Variants in PLEKHA6 observed in about 807,000 individuals in gnomAD.
PLEKHA6 encodes pleckstrin homology domain-containing family A member 6.
A neutral mutation model predicts 116.7 loss-of-function variants in PLEKHA6; 60 were observed. That is an observed-to-expected ratio of 0.51 (90% CI 0.42 to 0.64). The LOEUF (loss-of-function observed/expected upper bound fraction) is 0.64, where lower values mean the gene tolerates loss of function less well. PLEKHA6 is among the 30% of genes least tolerant of loss of function. The pLI, the probability that PLEKHA6 is intolerant of heterozygous loss-of-function variation, is 0.00. For missense variants in PLEKHA6, 1,338 were observed against 1,422.7 expected (o/e 0.94, Z 0.96); for synonymous variants, 489 against 556.1 (o/e 0.88, Z 1.70).
chr1:204,293,569 T>C (rs1572100445), intron 1 of PLEKHA6, among the ~76,000 whole-genome samples: 1 of 152,370 alleles, frequency 6.6e-6, no homozygotes, highest in East Asian at 1.9e-4. Context: ...CAGCCTCCAA[T>C]TTGGCTTAAA....
chr1:204,311,440 G>A (rs945514468), intron 1 of PLEKHA6: 14 of 176,112 alleles, frequency 7.9e-5, no homozygotes, highest in South Asian at 3.8e-4. Context: ...GTGGGGAGCC[G>A]AGATCATGCC....
At chr1:204,373,980 C>T (rs1008493223) in intron 1 of PLEKHA6, among the ~76,000 whole-genome samples, 1 of 152,164 alleles carries the variant, frequency 6.6e-6, no homozygotes, top group African/African-American at 2.4e-5. Context: ...GCCCTCACCT[C>T]CATTACATCT....
At chr1:204,302,138 C>T (rs1366564812) in intron 1 of PLEKHA6, among the ~76,000 whole-genome samples, 1 of 152,172 alleles carries the variant, frequency 6.6e-6, no homozygotes. Flanking sequence ...CTGAGGCATG[C>T]AGAATTAAAC....
intron 9 of PLEKHA6, among the ~76,000 whole-genome samples, chr1:204,254,446 T>A (rs549168563): frequency 2.6e-3 from 378 of 143,712 alleles, no homozygotes; most frequent in African/African-American, 7.1e-3. Flanking sequence ...TCATTTAAAA[T>A]TTTTTTTTTC....
At chr1:204,375,863 T>C (rs1193190596) in intron 1 of PLEKHA6, among the ~76,000 whole-genome samples, 3 of 128,882 alleles carry the variant, frequency 2.3e-5, no homozygotes, top group African/African-American at 9.2e-5. Flanking sequence ...AGGTTACCTG[T>C]TCCTCAGCCC....
At chr1:204,227,171 C>G (rs541808598) in intron 21 of PLEKHA6, among the ~76,000 whole-genome samples, 3 of 152,220 alleles carry the variant, frequency 2.0e-5, no homozygotes, top group African/African-American at 4.8e-5. Context: ...GCCTGGGCTA[C>G]TGGAATGGTG....
chr1:204,313,517 A>AC, intron 1 of PLEKHA6: 1 of 966,230 alleles, frequency 1.0e-6, no homozygotes, highest in Non-Finnish European at 1.2e-6. Context: ...TTCAGAGCTC[A>AC]CACAAGATGT....
intron 1 of PLEKHA6, among the ~76,000 whole-genome samples, chr1:204,347,947 T>G (rs910829209): frequency 6.6e-6 from 1 of 152,186 alleles, no homozygotes; most frequent in Non-Finnish European, 1.5e-5. Context: ...GGTACCATCC[T>G]GAAGTACCGA....
intron 3 of PLEKHA6, among the ~76,000 whole-genome samples, chr1:204,365,484 G>A (rs1006701030): frequency 2.0e-5 from 3 of 152,174 alleles, no homozygotes; most frequent in Non-Finnish European, 2.9e-5. Context: ...GCATGAGAGC[G>A]GGAAAGGTTG....
At chr1:204,295,969 G>A (rs1476172317) in intron 1 of PLEKHA6, among the ~76,000 whole-genome samples, 1 of 152,166 alleles carries the variant, frequency 6.6e-6, no homozygotes, top group Non-Finnish European at 1.5e-5. Flanking sequence ...GGGAAGATGA[G>A]GGTAAGGCAC....
At position 204,307,717 on chromosome 1, in the gene PLEKHA6, ACAGCCCTCTAGCTG is replaced by A. The variant is rs1671444078; in HGVS notation, c.-94-32922_-94-32909del. On this transcript the variant is annotated intron_variant, in intron 1 of 22. Transcript: ENST00000272203. ...CCCGCCTGCTCATTGGAAACATCAG[ACAGCCCTCTAGCTG>A]CAGCAACTCCTGAAACCCTAAGCTG... 2.4e-5 allele frequency: 5 copies of A among 211,832 alleles called. No individual in the cohort carries two copies. In the South Asian group the frequency reaches 8.3e-4, roughly 35 times the overall value. The allele number at this position is 211,832 out of a possible 1,614,324, so 13.1% of individuals were successfully genotyped here.
chr1:204,230,511 G>A lies in PLEKHA6; in HGVS notation c.2485C>T (p.Arg829Trp), dbSNP rs373770957. Residue 829 changes from arginine (R) to tryptophan (W), a missense_variant, in exon 18 of 23, where the codon CGG (arginine) becomes TGG (tryptophan). Arg to Trp is a moderately radical substitution (Grantham distance 101, BLOSUM62 -3). Around this residue, in one of 3 missense-constraint regions of PLEKHA6, gnomAD observed 1,136 missense variants for 1,163.6 expected, o/e 0.98. Transcript: ENST00000272203. ...CTCATGGAGCCACTCTGGTGCCGCC[G>A]CATTCGGTCAATCTGCTCCTCCACG... ...MSVEEQIDRMRRHQSGSMREK... is the reference protein window; with the variant it reads ...MSVEEQIDRMWRHQSGSMREK... The A allele has an allele frequency of 3.1e-5, 49 of 1,591,104 alleles. No individual in the cohort carries two copies. Among genetic ancestry groups the A allele is most frequent in the Admixed American group, 7.1e-5 (4 of 56,064 alleles).
At chr1:204,342,277 C>T (rs1480986103) in intron 1 of PLEKHA6, among the ~76,000 whole-genome samples, 2 of 152,116 alleles carry the variant, frequency 1.3e-5, no homozygotes, top group African/African-American at 4.8e-5. Context: ...GAGGCTGAGG[C>T]GGGAGAATTG....
At chr1:204,317,646 A>T (rs545852152) in intron 1 of PLEKHA6, among the ~76,000 whole-genome samples, 1 of 152,350 alleles carries the variant, frequency 6.6e-6, no homozygotes, top group South Asian at 2.1e-4. Flanking sequence ...GTGTCTTTCA[A>T]ACTGTGGCTT....
intron 14 of PLEKHA6, 144 bp downstream of exon 14, chr1:204,245,471 C>G: frequency 1.6e-6 from 1 of 614,680 alleles, no homozygotes; most frequent in Non-Finnish European, 2.9e-6. Flanking sequence ...ACCCTAGAAC[C>G]CAGGGGAAGA....
At chr1:204,317,706 T>C (rs1276768508) in intron 1 of PLEKHA6, among the ~76,000 whole-genome samples, 1 of 152,208 alleles carries the variant, frequency 6.6e-6, no homozygotes. Context: ...ATAATCCAAA[T>C]TGGCACATGG....
chr1:204,324,071 A>G (rs975847257), intron 1 of PLEKHA6, among the ~76,000 whole-genome samples: 5 of 152,062 alleles, frequency 3.3e-5, no homozygotes, highest in African/African-American at 1.2e-4. Flanking sequence ...CTGGGCCCCA[A>G]GGTTCTGCTT....
intron 1 of PLEKHA6, among the ~76,000 whole-genome samples, chr1:204,276,838 C>T (rs889237279): frequency 1.3e-5 from 2 of 152,162 alleles, no homozygotes; most frequent in Non-Finnish European, 2.9e-5. Flanking sequence ...CCTTCACAAG[C>T]ACTGCAATGC....
chr1:204,256,970 T>C (rs1571915176), intron 9 of PLEKHA6: 2 of 577,300 alleles, frequency 3.5e-6, no homozygotes, highest in Admixed American at 6.3e-5. Flanking sequence ...AGGTTAGAGG[T>C]ATTTGTGTTC....
Sources: gnomAD v4.1 joint callset for allele counts (sites outside exome capture counted in the v4.1 genomes callset) on GRCh38, gnomAD v4.1.1 for gene constraint, gnomAD v4.1.1 regional missense constraint, MANE v1.5 for transcripts, NCBI Gene and HGNC (gene_info 2026-07-23, HGNC 2026-07-21) for gene names.